Variants in ARHGAP35 observed in about 807,000 individuals in gnomAD.
The protein encoded by ARHGAP35 is Rho GTPase activating protein 35.
Under a neutral mutation model 111.1 loss-of-function variants are expected in ARHGAP35, and 15 were observed. That is an observed-to-expected ratio of 0.13 (90% CI 0.09 to 0.21). The LOEUF is 0.21. Ranked by LOEUF, ARHGAP35 falls within the 10% of genes least tolerant of loss-of-function variation. ARHGAP35 has a pLI of 1.00. For missense variants in ARHGAP35, 1,262 were observed against 1,873.0 expected (o/e 0.67, Z 6.02); for synonymous variants, 643 against 710.3 (o/e 0.91, Z 1.51).
intron 2 of ARHGAP35, among the ~76,000 whole-genome samples, chr19:46,933,453 G>A (rs1350416166): frequency 6.6e-6 from 1 of 151,962 alleles, no homozygotes; most frequent in South Asian, 2.1e-4. Flanking sequence ...CAGCTAGTGT[G>A]CTTTTATTCA....
chr19:46,921,268 G>T lies in ARHGAP35; in HGVS notation c.2593G>T (p.Ala865Ser), dbSNP rs757142299. ...TGTTTTTTATTCAGCCAAACGTAAG[G>T]CCTCTTTGGCTATGTTACGTGCCTT... ...YIVFYSAKRK[A>S]SLAMLRAFLC... The change falls in exon 2 of 7, where the codon GCC becomes TCC. Residue 865 changes from alanine (A) to serine (S), a missense_variant. Ala to Ser is a moderately conservative substitution (Grantham distance 99). This residue lies in a region of ARHGAP35 where 579 missense variants were observed against 716.9 expected (regional missense o/e 0.81). Transcript: ENST00000672722. This position sits in a 1 kb window ranked among gnomAD's most constrained non-coding sequence, Gnocchi z 4.3. The T allele has an allele frequency of 1.2e-6, 2 of 1,613,864 alleles. No homozygotes were observed. Among genetic ancestry groups the T allele is most frequent in the South Asian group, 1.1e-5 (1 of 91,078 alleles).
At chr19:46,929,706 G>A (rs1248561899) in intron 2 of ARHGAP35, among the ~76,000 whole-genome samples, 1 of 150,224 alleles carries the variant, frequency 6.7e-6, no homozygotes, top group African/African-American at 2.5e-5. Flanking sequence ...TTGAGGTCGG[G>A]AGTTCAAGAC....
Position 46,920,911 on chromosome 19 carries a change from A to T in ARHGAP35, c.2236A>T (p.Ile746Phe), listed in dbSNP as rs1045689620. ...ASAGIGYGRNINEKQISQVLK... is the reference protein window; with the variant it reads ...ASAGIGYGRNFNEKQISQVLK... ...TGCTGGCATTGGTTACGGACGCAAC[A>T]TTAATGAAAAGCAAATCAGTCAAGT... The change falls in exon 2 of 7, where the codon ATT (isoleucine) becomes TTT (phenylalanine). Residue 746 changes from isoleucine (I) to phenylalanine (F), a missense_variant. Physicochemically the swap from Ile to Phe is conservative, Grantham distance 21 (BLOSUM62 0). This residue lies in a region of ARHGAP35 where 579 missense variants were observed against 716.9 expected (regional missense o/e 0.81). Transcript: ENST00000672722. This position sits in a 1 kb window ranked among gnomAD's most constrained non-coding sequence, Gnocchi z 7.0. 1 of 1,613,786 alleles carries T rather than the reference A, an allele frequency of 6.2e-7. No individual in the cohort carries two copies. The highest frequency in any genetic ancestry group is 2.2e-5 in the East Asian group (1 of 44,886).
chr19:46,876,676 G>A (rs2055924094), intron 1 of ARHGAP35, among the ~76,000 whole-genome samples: 1 of 150,950 alleles, frequency 6.6e-6, no homozygotes, highest in African/African-American at 2.4e-5. Context: ...CAGCCTAAAT[G>A]TTTTTATTTT....
At chr19:46,892,060 G>A (rs1223339256) in intron 1 of ARHGAP35, among the ~76,000 whole-genome samples, 1 of 148,502 alleles carries the variant, frequency 6.7e-6, no homozygotes, top group South Asian at 2.1e-4. Context: ...GCCGAGGCAG[G>A]CAGATCACTG....
Position 46,919,051 on chromosome 19 carries a change from G to A in ARHGAP35, c.376G>A (p.Ala126Thr), listed in dbSNP as rs764119455. ...YIKRAAATKL[A>T]SAEKLMYFCT... ...CAAGAGAGCTGCTGCGACCAAGCTT[G>A]CATCAGCTGAAAAACTCATGTACTT... is the stretch of plus-strand genomic sequence containing the variant. Residue 126 changes from alanine to threonine, a missense_variant, in exon 2 of 7, where the codon GCA becomes ACA. Physicochemically the swap from Ala to Thr is moderately conservative, Grantham distance 58 (BLOSUM62 0). Transcript: ENST00000672722. The surrounding 1 kb of genome is among the most constrained non-coding windows in gnomAD (Gnocchi z 6.2). The A allele has an allele frequency of 9.3e-6, 15 of 1,613,940 alleles. No homozygotes were observed. The highest frequency in any genetic ancestry group is 1.3e-5 in the Non-Finnish European group (15 of 1,179,912).
At chr19:46,878,771 A>C (rs1407061268) in intron 1 of ARHGAP35, among the ~76,000 whole-genome samples, 1 of 152,054 alleles carries the variant, frequency 6.6e-6, no homozygotes, top group Non-Finnish European at 1.5e-5. Context: ...CTCCTGTAAA[A>C]ATACTTTATT....
intron 1 of ARHGAP35, among the ~76,000 whole-genome samples, chr19:46,867,779 T>G (rs75495126): frequency 0.024 from 3,623 of 152,134 alleles, 123 homozygotes; most frequent in African/African-American, 0.073. Flanking sequence ...TGTTGTTGTT[T>G]TTTTTTTGGA....
chr19:46,969,870 C>A (rs1457445357), intron 3 of ARHGAP35, among the ~76,000 whole-genome samples: 1 of 152,192 alleles, frequency 6.6e-6, no homozygotes, highest in African/African-American at 2.4e-5. Flanking sequence ...GAATACCCCC[C>A]TCCCACCTGC....
chr19:46,921,729 A>G lies in ARHGAP35; in HGVS notation c.3054A>G (p.Gly1018=). 1 of 1,613,986 alleles carries G rather than the reference A, an allele frequency of 6.2e-7. No individual in the cohort carries two copies. Among genetic ancestry groups the G allele is most frequent in the Non-Finnish European group, 8.5e-7 (1 of 1,179,890 alleles). The part of the protein sequence containing the change: ...DHSKLSMELE[G]NDGLSFIMSN... ...CTAAGCTCTCTATGGAACTGGAGGG[A>G]AATGATGGGCTGTCTTTCATTATGA... The change falls in exon 2 of 7, where the codon GGA becomes GGG. Residue 1018 remains glycine (G), a synonymous_variant. Coordinates refer to ENST00000672722, the MANE Select transcript of ARHGAP35 (RefSeq NM_004491.5). The surrounding 1 kb of genome is among the most constrained non-coding windows in gnomAD (Gnocchi z 4.3).
In ARHGAP35 at chr19:47,000,850, G is replaced by A. The variant is rs894585603; in HGVS notation, c.*162G>A. 21 of 1,537,644 alleles carry A rather than the reference G, an allele frequency of 1.4e-5. No individual in the cohort carries two copies. Among genetic ancestry groups the A allele is most frequent in the African/African-American group, 8.2e-5 (6 of 73,026 alleles). The stretch of plus-strand genomic sequence containing the variant: ...GGGAGCACCAGCCAATGGTACCATC[G>A]GCTGGGCTGCCAGGTACCCTGGGCC... On this transcript the variant is annotated 3_prime_UTR_variant, in exon 7 of 7. Transcript: ENST00000672722. This position sits in a 1 kb window ranked among gnomAD's most constrained non-coding sequence, Gnocchi z 6.9.
chr19:46,955,046 C>T (rs901389110), intron 3 of ARHGAP35, among the ~76,000 whole-genome samples: 14 of 152,122 alleles, frequency 9.2e-5, no homozygotes, highest in African/African-American at 3.4e-4. Flanking sequence ...CTTGGATAGT[C>T]TTAGGCATAG....
At chr19:46,871,959 GAC>G (rs766174488) in intron 1 of ARHGAP35, among the ~76,000 whole-genome samples, 11 of 152,088 alleles carry the variant, frequency 7.2e-5, no homozygotes, top group Admixed American at 2.0e-4. Context: ...CAGCATGGGT[GAC>G]AGAGTGAGAC....
intron 3 of ARHGAP35, among the ~76,000 whole-genome samples, chr19:46,985,944 T>A (rs2056647522): frequency 6.6e-6 from 1 of 152,104 alleles, no homozygotes; most frequent in Non-Finnish European, 1.5e-5. Flanking sequence ...GATGGCTGTC[T>A]CTCCAGAGGT....
chr19:46,921,984 CAT>C lies in ARHGAP35; in HGVS notation c.3313_3314del (p.Tyr1105LeufsTer5), dbSNP rs755895174. Reference protein sequence around the residue: ...VVKPRNEEENIYSVPHDSTQG... With the variant: ...VVKPRNEEENXYSVPHDSTQG... ...TGAAGCCAAGGAATGAAGAAGAAAA[CAT>C]ATACTCCGTGCCCCATGACAGCACC... On this transcript the variant is annotated frameshift_variant, in exon 2 of 7. Coordinates refer to ENST00000672722, the MANE Select transcript of ARHGAP35 (RefSeq NM_004491.5). LOFTEE classifies it high-confidence loss of function. The surrounding 1 kb of genome is among the most constrained non-coding windows in gnomAD (Gnocchi z 4.3). The C allele has an allele frequency of 6.2e-7, 1 of 1,613,976 alleles. No individual in the cohort carries two copies. Among genetic ancestry groups the C allele is most frequent in the Non-Finnish European group, 8.5e-7 (1 of 1,179,902 alleles).
rs1035567115 is a variant in ARHGAP35 at position 46,926,656 on chromosome 19, TAAAG to T, written c.3681+4304_3681+4307del. Among the ~76,000 whole-genome samples the T allele has an allele frequency of 2.6e-5, 4 of 152,012 alleles. No individual in the cohort carries two copies. The highest frequency in any genetic ancestry group is 4.4e-5 in the Non-Finnish European group (3 of 67,996). On this transcript the variant is annotated intron_variant, in intron 2 of 6. Transcript: ENST00000672722. The surrounding 1 kb of genome is among the most constrained non-coding windows in gnomAD (Gnocchi z 4.1). ...AAAAAAAAAAGACAAAACAGAATGA[TAAAG>T]AAAATCTTTCACTCACTGCAGCAAC...
intron 2 of ARHGAP35, among the ~76,000 whole-genome samples, chr19:46,924,682 C>G (rs1345970391): frequency 6.6e-6 from 1 of 152,216 alleles, no homozygotes; most frequent in African/African-American, 2.4e-5. Context: ...TTTAATGATA[C>G]TGGAATCCAA....
chr19:46,949,683 T>C (rs1190696332), intron 3 of ARHGAP35, among the ~76,000 whole-genome samples: 1 of 152,218 alleles, frequency 6.6e-6, no homozygotes, highest in Non-Finnish European at 1.5e-5. Context: ...TGGCCAACCA[T>C]AGGCAAGACA....
At position 46,920,819 on chromosome 19, in the gene ARHGAP35, A is replaced by G. The variant is rs768383434; in HGVS notation, c.2144A>G (p.His715Arg). The change falls in exon 2 of 7, where the codon CAT (histidine) becomes CGT (arginine). Residue 715 changes from histidine to arginine, a missense_variant. His to Arg is a conservative substitution (Grantham distance 29, BLOSUM62 0). Transcript: ENST00000672722. The surrounding 1 kb of genome is among the most constrained non-coding windows in gnomAD (Gnocchi z 7.0). ...KRGDTSGETL[H>R]SLIQQGQQIA... ...GGAGACACCAGTGGAGAGACTCTGC[A>G]TAGCTTAATACAGCAAGGTCAACAA... The G allele has an allele frequency of 1.4e-5, 22 of 1,612,270 alleles. No individual in the cohort carries two copies. In the Admixed American group the frequency reaches 2.0e-4, roughly 15 times the overall value.
Sources: allele counts gnomAD v4.1 joint callset (sites outside exome capture counted in the v4.1 genomes callset), GRCh38; gene constraint gnomAD v4.1.1; regional missense constraint gnomAD v4.1.1; non-coding constraint Gnocchi (gnomAD v3.1); transcripts MANE v1.5; gene names NCBI Gene and HGNC (gene_info 2026-07-23, HGNC 2026-07-21).